Variants in ADSS2 observed in about 807,000 individuals in gnomAD.
The protein encoded by ADSS2 is adenylosuccinate synthase 2.
ADSS2 carries 30 observed loss-of-function variants against 60.0 expected under a neutral mutation model. The ratio of observed to expected loss-of-function variants is 0.50; its 90% confidence interval spans 0.37 to 0.68. The LOEUF (loss-of-function observed/expected upper bound fraction) is 0.68. ADSS2 is among the 30% of genes least tolerant of loss of function. The pLI is 0.00. For missense variants in ADSS2, 373 were observed against 554.8 expected, an observed-to-expected ratio of 0.67 and a Z score of 3.29; for synonymous variants, 187 against 193.1, an observed-to-expected ratio of 0.97 and a Z score of 0.26.
chr1:244,429,509 C>T (rs959149953), intron 4 of ADSS2, among the ~76,000 whole-genome samples: 5 of 152,168 alleles, frequency 3.3e-5, no homozygotes, highest in African/African-American at 9.7e-5. Flanking sequence ...TTCACAGCAA[C>T]GATTCTCAGA....
intron 8 of ADSS2, 72 bp from the exon 9 acceptor site, chr1:244,418,986 C>T (rs1299068875): frequency 3.0e-6 from 4 of 1,340,586 alleles, no homozygotes; most frequent in Admixed American, 5.0e-5. Context: ...ATTACCGTTA[C>T]AATTCTGCAT....
chr1:244,413,598 T>C (rs2147987089), intron 11 of ADSS2, among the ~76,000 whole-genome samples: 1 of 152,132 alleles, frequency 6.6e-6, no homozygotes, highest in South Asian at 2.1e-4. Context: ...CTGAAGCAGC[T>C]AGAATCAGCA....
At chr1:244,426,237 G>T (rs1664800938) in intron 4 of ADSS2, among the ~76,000 whole-genome samples, 1 of 152,116 alleles carries the variant, frequency 6.6e-6, no homozygotes, top group Non-Finnish European at 1.5e-5. Context: ...TGAATAAAAA[G>T]ACATTTGAAT....
chr1:244,444,276 G>A (rs1443208110), intron 1 of ADSS2, among the ~76,000 whole-genome samples: 1 of 151,694 alleles, frequency 6.6e-6, no homozygotes, highest in Non-Finnish European at 1.5e-5. Context: ...AGCACTTTGG[G>A]AGGCCGAGGC....
chr1:244,411,300 C>T lies in ADSS2; in HGVS notation c.1305G>A (p.Glu435=). The T allele has an allele frequency of 1.9e-6, 3 of 1,608,408 alleles. No homozygotes were observed. The highest frequency in any genetic ancestry group is 2.7e-5 in the African/African-American group (2 of 74,634). The change falls in exon 12 of 13, where the codon GAG becomes GAA. Residue 435 remains glutamate, a synonymous_variant. Coordinates refer to ENST00000366535, the MANE Select transcript of ADSS2 (RefSeq NM_001126.5). ...GTTTATGTTTACCTGGAATTTGAAGCTCATCTTCAATAAATCGAACATAGT... is the reference window on the plus strand; with the variant it reads ...GTTTATGTTTACCTGGAATTTGAAGTTCATCTTCAATAAATCGAACATAGT... ...AQNYVRFIED[E]LQIPVKWIGV... is the part of the protein sequence containing the mutation.
intron 6 of ADSS2, 55 bp downstream of exon 6, chr1:244,423,898 A>T (rs1029207233): frequency 1.1e-5 from 15 of 1,421,956 alleles, no homozygotes; most frequent in East Asian, 4.7e-5. Flanking sequence ...CCTAGATTTT[A>T]AAAAAAATCA....
At chr1:244,425,879 G>C (rs772125498) in intron 4 of ADSS2, among the ~76,000 whole-genome samples, 1 of 151,972 alleles carries the variant, frequency 6.6e-6, no homozygotes, top group Non-Finnish European at 1.5e-5. Context: ...CACACCAAAA[G>C]ATATCTATCT....
intron 1 of ADSS2, among the ~76,000 whole-genome samples, chr1:244,445,816 T>C (rs1055496427): frequency 6.6e-6 from 1 of 152,194 alleles, no homozygotes; most frequent in Non-Finnish European, 1.5e-5. Context: ...CAGTGAATGA[T>C]CCTCAGTGTT....
At chr1:244,424,411 T>C (rs1162130223) in intron 4 of ADSS2, 24 bp from the exon 5 acceptor site, 6 of 1,603,710 alleles carry the variant, frequency 3.7e-6, no homozygotes, top group Non-Finnish European at 5.1e-6. Flanking sequence ...AAACCACAGT[T>C]GTTGAAACAA....
intron 3 of ADSS2, 65 bp from the exon 4 acceptor site, chr1:244,432,660 CTTTTTTTTTT>C (rs532312490): frequency 5.4e-5 from 21 of 387,302 alleles, no homozygotes; most frequent in Admixed American, 2.0e-4. Flanking sequence ...ATCTTAATTT[CTTTTTTTTTT>C]TTTTTTTTTT....
chr1:244,441,553 G>A (rs1665248473), intron 1 of ADSS2, among the ~76,000 whole-genome samples: 1 of 152,022 alleles, frequency 6.6e-6, no homozygotes, highest in Non-Finnish European at 1.5e-5. Flanking sequence ...TATAGCCCAA[G>A]CAGGCCTTGA....
At position 244,451,396 on chromosome 1, in the gene ADSS2, G is replaced by A. The variant is rs1665590037; in HGVS notation, c.183+239C>T. Among the ~76,000 whole-genome samples the A allele has an allele frequency of 6.6e-6, 1 of 152,134 alleles. No individual in the cohort carries two copies. The highest frequency in any genetic ancestry group is 2.4e-5 in the African/African-American group (1 of 41,428). Reference sequence around the variant, plus strand: ...ATCGCGCATCTCTCAAAGGCTCCCCGCCAGCCCACCTCTTCCTCCAGGGCC... The same window carrying A: ...ATCGCGCATCTCTCAAAGGCTCCCCACCAGCCCACCTCTTCCTCCAGGGCC... On this transcript the variant is annotated intron_variant, in intron 1 of 12. Coordinates refer to ENST00000366535, the MANE Select transcript of ADSS2 (RefSeq NM_001126.5). The surrounding 1 kb of genome is among the most constrained non-coding windows in gnomAD (Gnocchi z 6.6).
chr1:244,420,144 T>G (rs1233925205), intron 8 of ADSS2, 26 bp downstream of exon 8: 1 of 1,605,774 alleles, frequency 6.2e-7, no homozygotes, highest in Non-Finnish European at 8.5e-7. Flanking sequence ...TTAAGCTCCC[T>G]TAACTATAAG....
At chr1:244,415,633 C>G (rs572162063) in intron 11 of ADSS2, among the ~76,000 whole-genome samples, 2 of 152,308 alleles carry the variant, frequency 1.3e-5, no homozygotes, top group East Asian at 3.9e-4. Flanking sequence ...CTTCTTACCC[C>G]TCTTCTTATT....
chr1:244,418,867 A>C lies in ADSS2; in HGVS notation c.838T>G (p.Cys280Gly). Residue 280 changes from cysteine (C) to glycine (G), a missense_variant, in exon 9 of 13, where the codon TGT becomes GGT. Cys to Gly is a radical substitution (Grantham distance 159). Coordinates refer to ENST00000366535, the MANE Select transcript of ADSS2 (RefSeq NM_001126.5). ...TGAGGTGGCATACCCAAACCAGTAC[A>C]AACACCTCCAACAGTACAATTTGAA... Reference protein sequence around the residue: ...TSSNCTVGGVCTGLGMPPQNV... With the variant: ...TSSNCTVGGVGTGLGMPPQNV... 6.2e-7 allele frequency: 1 copy of C among 1,613,756 alleles called. No homozygotes were observed. Among genetic ancestry groups the C allele is most frequent in the Non-Finnish European group, 8.5e-7 (1 of 1,179,778 alleles).
At chr1:244,417,141 A>C (rs867112450) in intron 10 of ADSS2, among the ~76,000 whole-genome samples, 1 of 152,188 alleles carries the variant, frequency 6.6e-6, no homozygotes, top group African/African-American at 2.4e-5. Flanking sequence ...TTTTTAAAAT[A>C]CCCCTATGAA....
intron 3 of ADSS2, among the ~76,000 whole-genome samples, chr1:244,435,565 T>C (rs1012113541): frequency 5.9e-5 from 9 of 151,794 alleles, no homozygotes; most frequent in Non-Finnish European, 1.3e-4. Flanking sequence ...CCTCTGTCCT[T>C]CTCTTCTTCC....
chr1:244,437,245 G>T (rs1665125442), intron 2 of ADSS2, among the ~76,000 whole-genome samples: 1 of 152,026 alleles, frequency 6.6e-6, no homozygotes, highest in Non-Finnish European at 1.5e-5. Context: ...GTTGTGATAA[G>T]GATTTTTAAA....
Position 244,437,611 on chromosome 1 carries a change from C to T in ADSS2, c.286+55G>A, listed in dbSNP as rs148629263. 11,806 of 1,215,782 alleles carry T rather than the reference C, an allele frequency of 9.7e-3. 581 individuals are homozygous for T. The Admixed American group carries it at 0.12, about 12-fold the overall frequency. 75.3% of individuals were successfully genotyped at this position (1,215,782 alleles called of 1,614,324 possible). On this transcript the variant is annotated intron_variant, in intron 2 of 12. Coordinates refer to ENST00000366535, the MANE Select transcript of ADSS2 (RefSeq NM_001126.5). ...AACAGTTTTGACAATAAAAAATAAA[C>T]GCCATTATCAACTGGTGGGGGGGAA...
Sources: allele counts gnomAD v4.1 joint callset (sites outside exome capture counted in the v4.1 genomes callset), GRCh38; gene constraint gnomAD v4.1.1; non-coding constraint Gnocchi (gnomAD v3.1); transcripts MANE v1.5; gene names NCBI Gene and HGNC (gene_info 2026-07-23, HGNC 2026-07-21).